ATXN1: variants seen among roughly 807,000 people sequenced by gnomAD.
The protein encoded by ATXN1 is ataxin 1, also known as ataxin-1.
In ATXN1, 8 loss-of-function variants were observed where a neutral mutation model predicts 56.4. The ratio of observed to expected loss-of-function variants is 0.14; its 90% CI spans 0.08 to 0.26. The LOEUF is 0.26. Among genes scored for constraint, ATXN1 ranks in the 10% least tolerant of loss-of-function variants. The probability of loss-of-function intolerance (pLI) is 1.00; values close to 1 mark genes in which losing one functional copy is unlikely to be tolerated. For missense variants in ATXN1, 987 were observed against 1,106.5 expected (o/e 0.89, Z 1.53); for synonymous variants, 514 against 494.6 (o/e 1.04, Z -0.52).
intron 4 of ATXN1, among the ~76,000 whole-genome samples, chr6:16,531,528 CAGG>C (rs1436401342): frequency 6.6e-6 from 1 of 150,772 alleles, no homozygotes; most frequent in Non-Finnish European, 1.5e-5. Flanking sequence ...GAGGCTGAGG[CAGG>C]AGAATTGCTT....
intron 6 of ATXN1, among the ~76,000 whole-genome samples, chr6:16,473,645 A>G (rs1431260949): frequency 6.6e-6 from 1 of 152,164 alleles, no homozygotes; most frequent in Non-Finnish European, 1.5e-5. Context: ...GTTTATTTAG[A>G]ACCCAAGGAC....
At chr6:16,620,237 TCTC>T (rs1763294008) in intron 3 of ATXN1, among the ~76,000 whole-genome samples, 1 of 91,672 alleles carries the variant, frequency 1.1e-5, no homozygotes, top group Non-Finnish European at 2.3e-5. Context: ...ACATACATAT[TCTC>T]TCTCTCTCTC....
At chr6:16,382,778 T>C (rs1373650530) in intron 6 of ATXN1, among the ~76,000 whole-genome samples, 2 of 151,730 alleles carry the variant, frequency 1.3e-5, no homozygotes, top group South Asian at 2.1e-4. Flanking sequence ...GGAGAAAAAT[T>C]GTCTTGGGCT....
intron 2 of ATXN1, among the ~76,000 whole-genome samples, chr6:16,688,786 T>C (rs1758973885): frequency 6.6e-6 from 1 of 152,154 alleles, no homozygotes; most frequent in African/African-American, 2.4e-5. Flanking sequence ...AAACTACCAA[T>C]AAACTATTTT....
chr6:16,578,075 G>C (rs1006016517), intron 4 of ATXN1, among the ~76,000 whole-genome samples: 2 of 151,862 alleles, frequency 1.3e-5, no homozygotes, highest in African/African-American at 2.4e-5. Flanking sequence ...ATTCATTTTT[G>C]GTTCTATTTT....
At chr6:16,382,749 TC>T (rs1218133183) in intron 6 of ATXN1, among the ~76,000 whole-genome samples, 1 of 152,086 alleles carries the variant, frequency 6.6e-6, no homozygotes, top group Non-Finnish European at 1.5e-5. Flanking sequence ...TCTTTTGGCT[TC>T]CCTGGGCCAC....
intron 2 of ATXN1, chr6:16,739,279 G>GT (rs1172901467): frequency 6.8e-6 from 1 of 147,894 alleles, no homozygotes; most frequent in Non-Finnish European, 1.5e-5. Flanking sequence ...AATTTTTTTT[G>GT]TATCTGCTTA....
At chr6:16,499,969 T>C (rs1760852365) in intron 5 of ATXN1, among the ~76,000 whole-genome samples, 1 of 152,156 alleles carries the variant, frequency 6.6e-6, no homozygotes, top group African/African-American at 2.4e-5. Flanking sequence ...GTCTGGGGTA[T>C]GGCTCAGGCA....
At chr6:16,525,596 A>G (rs1030977153) in intron 4 of ATXN1, among the ~76,000 whole-genome samples, 11 of 152,194 alleles carry the variant, frequency 7.2e-5, no homozygotes, top group Admixed American at 2.6e-4. Flanking sequence ...AGAATAAATA[A>G]GATCTACTAT....
rs142623668 is a variant in ATXN1, at chr6:16,693,445, T to C, written c.-614-35544A>G. ...AAGCTAAAAAGTGCTATATATACCA[T>C]GTACATGTGAATTATCGTCATCAAC... On this transcript the variant is annotated intron_variant, in intron 2 of 7. Coordinates refer to ENST00000436367, the MANE Select transcript of ATXN1 (RefSeq NM_001128164.2). Among the ~76,000 whole-genome samples, 11 of 152,302 alleles carry C rather than the reference T, an allele frequency of 7.2e-5. No homozygotes were observed. The East Asian group carries it at 1.9e-3, about 27-fold the overall frequency.
intron 6 of ATXN1, among the ~76,000 whole-genome samples, chr6:16,376,907 G>A (rs1762151195): frequency 1.3e-5 from 2 of 152,218 alleles, no homozygotes; most frequent in African/African-American, 4.8e-5. Flanking sequence ...GCAGAGAGCT[G>A]CAGACATTCT....
At chr6:16,437,313 C>T (rs1232624285) in intron 6 of ATXN1, among the ~76,000 whole-genome samples, 4 of 152,150 alleles carry the variant, frequency 2.6e-5, no homozygotes, top group South Asian at 2.1e-4. Flanking sequence ...GGTGGGAGTG[C>T]GTATCAGCAC....
chr6:16,440,896 G>T (rs533037942), intron 6 of ATXN1, among the ~76,000 whole-genome samples: 1 of 152,120 alleles, frequency 6.6e-6, no homozygotes, highest in African/African-American at 2.4e-5. Flanking sequence ...GGGTGTGGCC[G>T]AACCATTTAT....
chr6:16,561,446 G>A (rs1762117598), intron 4 of ATXN1, among the ~76,000 whole-genome samples: 1 of 152,094 alleles, frequency 6.6e-6, no homozygotes, highest in Non-Finnish European at 1.5e-5. Flanking sequence ...AATAAAAATG[G>A]GACATTCACC....
chr6:16,427,261 T>A (rs1324235564), intron 6 of ATXN1, among the ~76,000 whole-genome samples: 1 of 152,214 alleles, frequency 6.6e-6, no homozygotes, highest in Non-Finnish European at 1.5e-5. Flanking sequence ...GGGGCTGTCC[T>A]GTGTGTTGCA....
At chr6:16,409,935 C>A (rs549247710) in intron 6 of ATXN1, among the ~76,000 whole-genome samples, 95 of 152,294 alleles carry the variant, frequency 6.2e-4, no homozygotes, top group African/African-American at 2.2e-3. Context: ...AAACAAGGAA[C>A]AGATTTGAGT....
intron 6 of ATXN1, among the ~76,000 whole-genome samples, chr6:16,390,778 A>G (rs1400961530): frequency 6.6e-6 from 1 of 152,106 alleles, no homozygotes; most frequent in Non-Finnish European, 1.5e-5. Flanking sequence ...TGTCGGTTCT[A>G]GTTCCAATTC....
chr6:16,712,186 G>A (rs1759538370), intron 2 of ATXN1, among the ~76,000 whole-genome samples: 1 of 152,152 alleles, frequency 6.6e-6, no homozygotes. Context: ...CGCTTAAGAT[G>A]TGTTGATTTC....
At chr6:16,346,930 G>A (rs1450468285) in intron 6 of ATXN1, among the ~76,000 whole-genome samples, 1 of 152,246 alleles carries the variant, frequency 6.6e-6, no homozygotes, top group African/African-American at 2.4e-5. Flanking sequence ...TTGTGGGCCA[G>A]CGCGCGTTCC....
Sources: allele counts gnomAD v4.1 joint callset (sites outside exome capture counted in the v4.1 genomes callset), GRCh38; gene constraint gnomAD v4.1.1; transcripts MANE v1.5; gene names NCBI Gene and HGNC (gene_info 2026-07-23, HGNC 2026-07-21).